Variants in IFT140 observed in about 807,000 individuals in gnomAD.
IFT140 encodes the protein intraflagellar transport 140.
A neutral mutation model predicts 164.6 loss-of-function variants in IFT140; 133 were observed. The observed-to-expected ratio is 0.81, with a 90% CI of 0.70 to 0.93. The LOEUF (loss-of-function observed/expected upper bound fraction) is 0.93, where lower values mean the gene tolerates loss of function less well. IFT140 is among the 40% of genes least tolerant of loss of function. The pLI is 0.00. For synonymous variants in IFT140, 860 were observed against 817.3 expected (o/e 1.05, Z -0.89); for missense variants, 2,045 against 1,972.3 (o/e 1.04, Z -0.70).
rs1338259838 is a variant in IFT140, at chr16:1,589,598, C to T, written c.810+7G>A. ...CAGCGTGAGCCCCCAAGCCCACTCC[C>T]ACTCACCTTCATCACTTCTTCTGCT... On this transcript the variant is annotated splice_region_variant and intron_variant, in intron 7 of 30. Transcript: ENST00000426508. The T allele has an allele frequency of 9.3e-6, 15 of 1,612,220 alleles. No individual in the cohort carries two copies. Among genetic ancestry groups the T allele is most frequent in the East Asian group, 4.5e-5 (2 of 44,822 alleles).
rs141993139 is a variant in IFT140, at chr16:1,589,657, C to T, written c.758G>A (p.Arg253Gln). 1.3e-3 allele frequency: 2,029 copies of T among 1,614,134 alleles called. 5 individuals are homozygous for T. The highest frequency in any genetic ancestry group is 1.5e-3 in the Non-Finnish European group (1,784 of 1,180,030). ...AGGAGGCACCGTGTACAGGGACAGCCGGAGGTTCTCTGTGACCACCACCAG... is the reference window on the plus strand; with the variant it reads ...AGGAGGCACCGTGTACAGGGACAGCTGGAGGTTCTCTGTGACCACCACCAG... Reference protein sequence around the residue: ...EALVVVTENLRLSLYTVPPEG... With the variant: ...EALVVVTENLQLSLYTVPPEG... Residue 253 changes from arginine to glutamine, a missense_variant, in exon 7 of 31, where the codon CGG becomes CAG. Coordinates refer to ENST00000426508, the MANE Select transcript of IFT140 (RefSeq NM_014714.4).
intron 19 of IFT140, among the ~76,000 whole-genome samples, chr16:1,545,348 C>A (rs1363201906): frequency 6.6e-6 from 1 of 151,342 alleles, no homozygotes; most frequent in Admixed American, 6.6e-5. Context: ...TTTTCTTGCC[C>A]CCACAGGCCA....
At position 1,585,579 on chromosome 16, in the gene IFT140, G is replaced by C. The variant is rs184789354; in HGVS notation, c.1155+551C>G. On this transcript the variant is annotated intron_variant, in intron 10 of 30. Coordinates refer to ENST00000426508, the MANE Select transcript of IFT140 (RefSeq NM_014714.4). ...AAGCTCTTTTTCATACAGATAGAGA[G>C]AGATGGAGAGGGAGGGATGGGTTCG... 3.3e-4 allele frequency among the ~76,000 whole-genome samples: 51 copies of C among 152,256 alleles called. 1 individual carries two copies. Among genetic ancestry groups the C allele is most frequent in the African/African-American group, 1.1e-3 (47 of 41,552 alleles).
chr16:1,520,354 A>G lies in IFT140; in HGVS notation c.3661-11T>C. 6.2e-7 allele frequency: 1 copy of G among 1,613,532 alleles called. No individual in the cohort carries two copies. The highest frequency in any genetic ancestry group is 2.2e-5 in the East Asian group (1 of 44,874). Reference sequence around the variant, plus strand: ...CAGCGCCCTCATGGCCTAGGCAGAGAGACAGCGGGGCTCAGGCAAGCAGGG... The same window carrying G: ...CAGCGCCCTCATGGCCTAGGCAGAGGGACAGCGGGGCTCAGGCAAGCAGGG... On this transcript the variant is annotated splice_polypyrimidine_tract_variant and intron_variant, in intron 27 of 30. Coordinates refer to ENST00000426508, the MANE Select transcript of IFT140 (RefSeq NM_014714.4).
rs869165237 is a variant in IFT140, at chr16:1,516,139, C to CAAAAAAAAAAAAAAAAAAAAAAAA, written c.4182+2053_4182+2076dup. On this transcript the variant is annotated intron_variant, in intron 30 of 30. Coordinates refer to ENST00000426508, the MANE Select transcript of IFT140 (RefSeq NM_014714.4). ...GGCTACAAAGAGCAAAACTCTGTCTCAAAAAAAAAAAAAAAAAAAAAAAAA... is the reference window on the plus strand; with the variant it reads ...GGCTACAAAGAGCAAAACTCTGTCTCAAAAAAAAAAAAAAAAAAAAAAAAAAAAAAAAAAAAAAAAAAAAAAAAA... Among the ~76,000 whole-genome samples the CAAAAAAAAAAAAAAAAAAAAAAAA allele has an allele frequency of 2.4e-4, 11 of 46,022 alleles. 4 individuals are homozygous for CAAAAAAAAAAAAAAAAAAAAAAAA. Among genetic ancestry groups the CAAAAAAAAAAAAAAAAAAAAAAAA allele is most frequent in the Non-Finnish European group, 4.5e-4 (10 of 22,028 alleles). The allele number at this position is 46,022 out of a possible 152,430, so 30.2% of individuals were successfully genotyped here.
intron 19 of IFT140, among the ~76,000 whole-genome samples, chr16:1,554,300 T>A (rs771232517): frequency 6.6e-6 from 1 of 152,250 alleles, no homozygotes; most frequent in Non-Finnish European, 1.5e-5. Flanking sequence ...TGTTTCCAGA[T>A]AAGACTTAGA....
At chr16:1,562,666 G>A (rs1360569185) in intron 17 of IFT140, among the ~76,000 whole-genome samples, 1 of 152,130 alleles carries the variant, frequency 6.6e-6, no homozygotes, top group Non-Finnish European at 1.5e-5. Context: ...CAGCTACTTG[G>A]TAGTCTGAGG....
chr16:1,591,242 C>A (rs2035164698), intron 6 of IFT140, among the ~76,000 whole-genome samples: 1 of 152,026 alleles, frequency 6.6e-6, no homozygotes, highest in African/African-American at 2.4e-5. Context: ...TCTCTCCACC[C>A]CCTTCTCATT....
intron 24 of IFT140, chr16:1,524,251 A>G (rs2235639): frequency 0.54 from 322,215 of 597,494 alleles, 93,538 homozygotes; most frequent in African/African-American, 0.88. Context: ...CCCAACAGCT[A>G]TCTAGGAAGG....
intron 4 of IFT140, among the ~76,000 whole-genome samples, chr16:1,595,855 C>T (rs1277891583): frequency 6.6e-6 from 1 of 152,142 alleles, no homozygotes; most frequent in Non-Finnish European, 1.5e-5. Context: ...GAGTTCGAGG[C>T]CAGCCTGGCC....
rs781406908 is a variant in IFT140 at position 1,564,205 on chromosome 16, C to T, written c.1902-43G>A. 1.9e-5 allele frequency: 29 copies of T among 1,497,654 alleles called. No homozygotes were observed. Among genetic ancestry groups the T allele is most frequent in the Non-Finnish European group, 2.5e-5 (28 of 1,108,260 alleles). The allele number at this position is 1,497,654 out of a possible 1,614,324, so 92.8% of individuals were successfully genotyped here. ...ACCCGTTTCAACCCCAGGGCGGGCA[C>T]TCCTGCTACCAGTCTCCCTCCCACA... On this transcript the variant is annotated intron_variant, in intron 16 of 30. Transcript: ENST00000426508. This position sits in a 1 kb window ranked among gnomAD's most constrained non-coding sequence, Gnocchi z 5.5.
chr16:1,584,356 C>T lies in IFT140; in HGVS notation c.1220G>A (p.Arg407Gln), dbSNP rs151198844. 40 of 1,613,052 alleles carry T rather than the reference C, an allele frequency of 2.5e-5. No homozygotes were observed. The African/African-American group carries it at 3.2e-4, about 13-fold the overall frequency. Residue 407 changes from arginine (R) to glutamine (Q), a missense_variant, in exon 11 of 31, where the codon CGG (arginine) becomes CAG (glutamine). Coordinates refer to ENST00000426508, the MANE Select transcript of IFT140 (RefSeq NM_014714.4). The part of the protein sequence containing the change: ...SVISVAILSE[R>Q]AMSSHFHQQV... ...CTGGTGGAAGTGTGACGACATGGCC[C>T]GCTCGCTGAGGATGGCCACGGAGAT... is the stretch of plus-strand genomic sequence containing the variant.
intron 13 of IFT140, 65 bp from the exon 14 acceptor site, chr16:1,571,599 C>A (rs2034017552): frequency 6.7e-7 from 1 of 1,489,488 alleles, no homozygotes. Flanking sequence ...TCACAGATAA[C>A]CTTGTACACA....
At chr16:1,526,239 C>A (rs1596306225) in intron 20 of IFT140, 162 bp from the exon 21 acceptor site, 1 of 681,292 alleles carries the variant, frequency 1.5e-6, no homozygotes, top group East Asian at 2.8e-5. Context: ...ACCCACGGGG[C>A]ATCCCCGTCC....
At position 1,581,727 on chromosome 16, in the gene IFT140, A is replaced by AGGGGAGGAGCG. The variant is rs755137316; in HGVS notation, c.1433-888_1433-878dup. 4.6e-3 allele frequency among the ~76,000 whole-genome samples: 518 copies of AGGGGAGGAGCG among 112,864 alleles called. 8 individuals are homozygous for AGGGGAGGAGCG. Among genetic ancestry groups the AGGGGAGGAGCG allele is most frequent in the Non-Finnish European group, 8.1e-3 (439 of 54,520 alleles). The allele number at this position is 112,864 out of a possible 152,430, so 74.0% of individuals were successfully genotyped here. Reference sequence around the variant, plus strand: ...CTAGGGAGTCTACAGAGGAGAGGGGAGGGGAGGAGCGGGGGAGGGGAGGGG... The same window carrying AGGGGAGGAGCG: ...CTAGGGAGTCTACAGAGGAGAGGGGAGGGGAGGAGCGGGGGAGGAGCGGGGGAGGGGAGGGG... On this transcript the variant is annotated intron_variant, in intron 12 of 30. Transcript: ENST00000426508.
At chr16:1,598,857 G>T (rs1042085066) in intron 4 of IFT140, among the ~76,000 whole-genome samples, 1 of 151,096 alleles carries the variant, frequency 6.6e-6, no homozygotes, top group Non-Finnish European at 1.5e-5. Flanking sequence ...AGTGAGGAGT[G>T]TCTCTGCCTG....
intron 3 of IFT140, chr16:1,604,530 G>A (rs1369573277): frequency 6.6e-6 from 1 of 152,378 alleles, no homozygotes; most frequent in Non-Finnish European, 1.5e-5. Context: ...GAGGCGCTAG[G>A]GGCCACATCA....
rs1381397144 is a variant in IFT140, at chr16:1,566,185, G to T, written c.1877C>A (p.Ser626Tyr). 6.2e-7 allele frequency: 1 copy of T among 1,613,820 alleles called. No individual in the cohort carries two copies. Among genetic ancestry groups the T allele is most frequent in the South Asian group, 1.1e-5 (1 of 91,060 alleles). ...CTTATTAGTCTCTTGCTCATTAAAG[G>T]ACAGCGTCTCTCTCCGATCAATTTG... is the stretch of plus-strand genomic sequence containing the variant. ...TGQIDRRETL[S>Y]FNEQETNKSH... Residue 626 changes from serine (S) to tyrosine (Y), a missense_variant, in exon 16 of 31, where the codon TCC becomes TAC. Coordinates refer to ENST00000426508, the MANE Select transcript of IFT140 (RefSeq NM_014714.4).
intron 30 of IFT140, among the ~76,000 whole-genome samples, chr16:1,516,164 A>AAC (rs2040335290): frequency 8.8e-6 from 1 of 113,308 alleles, no homozygotes; most frequent in Non-Finnish European, 1.8e-5. Context: ...AAAAAAAAAA[A>AAC]AAAAAAAAAA....
Sources: gnomAD v4.1 joint callset for allele counts (sites outside exome capture counted in the v4.1 genomes callset) on GRCh38, gnomAD v4.1.1 for gene constraint, Gnocchi (gnomAD v3.1) non-coding constraint, MANE v1.5 for transcripts, NCBI Gene and HGNC (gene_info 2026-07-23, HGNC 2026-07-21) for gene names.